Variants in GXYLT1 observed in about 807,000 individuals in gnomAD.
GXYLT1 encodes glycosyltransferase 8 domain containing 3.
Under a neutral mutation model 54.0 loss-of-function variants are expected in GXYLT1, and 29 were observed. The observed-to-expected ratio is 0.54, with a 90% CI of 0.40 to 0.73. GXYLT1 has a LOEUF of 0.73. Ranked by LOEUF, GXYLT1 falls within the 30% of genes least tolerant of loss-of-function variation. The pLI is 0.00. For synonymous variants in GXYLT1, 176 were observed against 204.1 expected (o/e 0.86, Z 1.17); for missense variants, 490 against 553.4 (o/e 0.89, Z 1.15).
At chr12:42,094,373 T>C (rs1223849610) in intron 7 of GXYLT1, among the ~76,000 whole-genome samples, 1 of 127,490 alleles carries the variant, frequency 7.8e-6, no homozygotes, top group Non-Finnish European at 1.7e-5. Flanking sequence ...AAAAAAAAGA[T>C]GAGGCTGGGC....
chr12:42,132,132 A>T (rs1192572744), intron 1 of GXYLT1, among the ~76,000 whole-genome samples: 1 of 152,198 alleles, frequency 6.6e-6, no homozygotes, highest in South Asian at 2.1e-4. Flanking sequence ...GTTACAAAAC[A>T]AATCAGTTAT....
At chr12:42,114,864 C>T (rs11181336) in intron 3 of GXYLT1, among the ~76,000 whole-genome samples, 79,023 of 151,134 alleles carry the variant, frequency 0.52, 20,922 homozygotes, top group South Asian at 0.7. Context: ...TGATGAACAT[C>T]GATGCAAAAA....
intron 1 of GXYLT1, among the ~76,000 whole-genome samples, chr12:42,139,997 T>C (rs1227878047): frequency 9.9e-5 from 15 of 151,670 alleles, no homozygotes; most frequent in Non-Finnish European, 1.5e-5. Flanking sequence ...CTGGCTAACA[T>C]GGTGAAACGC....
chr12:42,134,817 T>C (rs778617309), intron 1 of GXYLT1, among the ~76,000 whole-genome samples: 14 of 152,214 alleles, frequency 9.2e-5, no homozygotes, highest in Admixed American at 8.5e-4. Context: ...GTCTTCCCCT[T>C]AGCTAGTCTC....
intron 7 of GXYLT1, among the ~76,000 whole-genome samples, chr12:42,090,056 G>C (rs1261496481): frequency 6.6e-6 from 1 of 151,590 alleles, no homozygotes; most frequent in Admixed American, 6.6e-5. Context: ...AAGTTTCTTT[G>C]TTTTCATGTG....
At chr12:42,136,803 C>T (rs957907272) in intron 1 of GXYLT1, among the ~76,000 whole-genome samples, 1 of 152,144 alleles carries the variant, frequency 6.6e-6, no homozygotes, top group Non-Finnish European at 1.5e-5. Flanking sequence ...AACACACACA[C>T]ACACAAGTCG....
intron 2 of GXYLT1, among the ~76,000 whole-genome samples, chr12:42,121,048 T>C (rs1592118959): frequency 6.6e-6 from 1 of 152,176 alleles, no homozygotes; most frequent in South Asian, 2.1e-4. Flanking sequence ...TCAAAAACAG[T>C]GGAAGCCACA....
At chr12:42,131,861 G>A (rs1369958344) in intron 1 of GXYLT1, among the ~76,000 whole-genome samples, 2 of 152,114 alleles carry the variant, frequency 1.3e-5, no homozygotes, top group African/African-American at 2.4e-5. Context: ...TTTTAAGGTA[G>A]GTATGATCTC....
rs2065669741 is a variant in GXYLT1, at chr12:42,144,510, G to A, written c.137C>T (p.Ala46Val). ...GGGGKPQAAV[A>V]SWLAGGGRGA... The stretch of plus-strand genomic sequence containing the variant: ...GCGTCCGCCGCCCGCGAGCCAGGAA[G>A]CCACCGCGGCCTGCGGCTTCCCGCC... Residue 46 changes from alanine to valine, a missense_variant, in exon 1 of 8, where the codon GCT (alanine) becomes GTT (valine). Ala to Val is a moderately conservative substitution (Grantham distance 64). This residue lies in a region of GXYLT1 where 148 missense variants were observed against 210.7 expected (regional missense o/e 0.70). Transcript: ENST00000398675. 7 of 1,414,148 alleles carry A rather than the reference G, an allele frequency of 4.9e-6. No individual in the cohort carries two copies. Among genetic ancestry groups the A allele is most frequent in the Non-Finnish European group, 5.5e-6 (6 of 1,081,238 alleles). 87.6% of individuals were successfully genotyped at this position (1,414,148 alleles called of 1,614,324 possible). A position where few individuals can be genotyped will look rare whatever the true frequency, so the allele number is the denominator to read the frequency against.
At chr12:42,129,443 C>T (rs576551544) in intron 2 of GXYLT1, among the ~76,000 whole-genome samples, 2 of 152,102 alleles carry the variant, frequency 1.3e-5, no homozygotes, top group Non-Finnish European at 2.9e-5. Flanking sequence ...ATAGATATAT[C>T]TGTAAACGTC....
At chr12:42,138,696 A>G (rs565034811) in intron 1 of GXYLT1, among the ~76,000 whole-genome samples, 1 of 152,294 alleles carries the variant, frequency 6.6e-6, no homozygotes, top group Non-Finnish European at 1.5e-5. Flanking sequence ...AGTACTTCCA[A>G]TAGGTATGGC....
intron 2 of GXYLT1, among the ~76,000 whole-genome samples, chr12:42,124,635 T>A (rs1476488526): frequency 7.9e-5 from 12 of 152,222 alleles, no homozygotes; most frequent in Admixed American, 5.9e-4. Context: ...CCAAGTACAC[T>A]CACACAATGC....
chr12:42,136,751 T>TAC (rs142593602), intron 1 of GXYLT1, among the ~76,000 whole-genome samples: 3 of 147,488 alleles, frequency 2.0e-5, no homozygotes, highest in Non-Finnish European at 3.0e-5. Context: ...GGAGGTTTTT[T>TAC]ATACATACAT....
intron 2 of GXYLT1, 28 bp from the exon 3 acceptor site, chr12:42,119,199 A>C (rs772700420): frequency 5.3e-6 from 8 of 1,496,316 alleles, no homozygotes; most frequent in Non-Finnish European, 7.2e-6. Context: ...CACATTTTTC[A>C]ACAGTTTTAG....
intron 5 of GXYLT1, among the ~76,000 whole-genome samples, chr12:42,100,464 A>C (rs2065383534): frequency 6.6e-6 from 1 of 152,102 alleles, no homozygotes; most frequent in South Asian, 2.1e-4. Context: ...TAGTTTGAGA[A>C]ACATTGTTAT....
At chr12:42,114,899 G>T (rs1029309139) in intron 3 of GXYLT1, among the ~76,000 whole-genome samples, 12 of 151,812 alleles carry the variant, frequency 7.9e-5, no homozygotes, top group Non-Finnish European at 1.8e-4. Flanking sequence ...CTGGCAAACC[G>T]AATCCAGCAG....
At chr12:42,122,748 G>C (rs763482137) in intron 2 of GXYLT1, among the ~76,000 whole-genome samples, 1 of 152,110 alleles carries the variant, frequency 6.6e-6, no homozygotes. Context: ...CATTGTAACA[G>C]ATAATCTGGA....
intron 2 of GXYLT1, among the ~76,000 whole-genome samples, chr12:42,127,218 A>AT (rs1396226456): frequency 1.3e-5 from 2 of 152,198 alleles, no homozygotes; most frequent in African/African-American, 4.8e-5. Flanking sequence ...GGCAAGAATG[A>AT]TTTGGCAGTT....
chr12:42,142,339 T>TA (rs2065656396), intron 1 of GXYLT1, among the ~76,000 whole-genome samples: 2 of 144,130 alleles, frequency 1.4e-5, no homozygotes, highest in African/African-American at 5.0e-5. Flanking sequence ...AAAAGTTAAT[T>TA]TTTTTTTTTT....
Sources: gnomAD v4.1 joint callset for allele counts (sites outside exome capture counted in the v4.1 genomes callset) on GRCh38, gnomAD v4.1.1 for gene constraint, gnomAD v4.1.1 regional missense constraint, MANE v1.5 for transcripts, NCBI Gene and HGNC (gene_info 2026-07-23, HGNC 2026-07-21) for gene names.